CTNNA2: variants seen among roughly 807,000 people sequenced by gnomAD.
The protein encoded by CTNNA2 is catenin alpha-2.
In CTNNA2, 42 loss-of-function variants were observed where a neutral mutation model predicts 101.0. The ratio of observed to expected loss-of-function variants is 0.42; its 90% CI spans 0.32 to 0.54. The LOEUF (loss-of-function observed/expected upper bound fraction) is 0.54. Among genes scored for constraint, CTNNA2 ranks in the 20% least tolerant of loss-of-function variants. The pLI, the probability that CTNNA2 is intolerant of heterozygous loss-of-function variation, is 0.14. For missense variants in CTNNA2, 871 were observed against 1,223.1 expected (o/e 0.71, Z 4.29); for synonymous variants, 450 against 456.4 (o/e 0.99, Z 0.18).
intron 7 of CTNNA2, among the ~76,000 whole-genome samples, chr2:80,075,638 A>G (rs1698661754): frequency 1.8e-5 from 2 of 112,122 alleles, no homozygotes; most frequent in African/African-American, 6.9e-5. Context: ...TTATACATGT[A>G]TAAATATTAT....
intron 7 of CTNNA2, among the ~76,000 whole-genome samples, chr2:79,985,084 C>T (rs989514757): frequency 2.0e-5 from 3 of 152,112 alleles, no homozygotes; most frequent in Non-Finnish European, 4.4e-5. Flanking sequence ...TGTTTACTGA[C>T]CCCCAGCCTG....
intron 7 of CTNNA2, among the ~76,000 whole-genome samples, chr2:80,150,748 T>C (rs141839591): frequency 5.0e-4 from 76 of 152,308 alleles, no homozygotes; most frequent in African/African-American, 1.5e-3. Flanking sequence ...TATGCAATGC[T>C]AGAACAAAAA....
intron 3 of CTNNA2, among the ~76,000 whole-genome samples, chr2:79,781,962 C>G (rs1674478258): frequency 7.6e-6 from 1 of 130,924 alleles, no homozygotes. Context: ...TAAAAATAAT[C>G]AGAACTAGCT....
intron 7 of CTNNA2, among the ~76,000 whole-genome samples, chr2:80,282,982 A>G (rs1162174566): frequency 6.6e-6 from 1 of 152,158 alleles, no homozygotes; most frequent in Non-Finnish European, 1.5e-5. Flanking sequence ...AAGCAAAGGA[A>G]TGACAAGTTG....
In CTNNA2 at chr2:79,563,989, C is replaced by G. The variant is rs576645572; in HGVS notation, c.-6+50782C>G. On this transcript the variant is annotated intron_variant, in intron 1 of 18. Coordinates refer to ENST00000402739, the MANE Select transcript of CTNNA2 (RefSeq NM_001282597.3). ...CCATCTCCAGGATGCATTACTGGAG[C>G]CTGGTCTGACCTGAGGGCACCAATG... Among the ~76,000 whole-genome samples, 26 of 152,152 alleles carry G rather than the reference C, an allele frequency of 1.7e-4. 1 individual carries two copies. The East Asian group carries it at 4.5e-3, about 26-fold the overall frequency.
chr2:79,191,921 C>CACA (rs527607163), intron 1 of CTNNA2, among the ~76,000 whole-genome samples: 100 of 152,276 alleles, frequency 6.6e-4, no homozygotes, highest in Middle Eastern at 3.4e-3. Context: ...AGATGCCTCA[C>CACA]ACAACCTCCA....
intron 7 of CTNNA2, among the ~76,000 whole-genome samples, chr2:79,988,016 C>T (rs1033733998): frequency 3.3e-5 from 5 of 152,106 alleles, no homozygotes; most frequent in Non-Finnish European, 7.4e-5. Context: ...AAATGGAGTC[C>T]ATTAGTTCAT....
chr2:79,351,883 G>A (rs1262421601), intron 3 of CTNNA2, among the ~76,000 whole-genome samples: 1 of 152,150 alleles, frequency 6.6e-6, no homozygotes, highest in Non-Finnish European at 1.5e-5. Context: ...TGTGAATAGT[G>A]CTGGAATGAA....
chr2:80,392,074 G>T (rs533644679), intron 7 of CTNNA2, among the ~76,000 whole-genome samples: 2 of 152,302 alleles, frequency 1.3e-5, no homozygotes, highest in Admixed American at 6.5e-5. Context: ...TGGAGAGCGG[G>T]TATGTATGTA....
At chr2:79,523,995 A>G (rs1224459168) in intron 1 of CTNNA2, among the ~76,000 whole-genome samples, 7 of 152,068 alleles carry the variant, frequency 4.6e-5, no homozygotes, top group Non-Finnish European at 1.0e-4. Flanking sequence ...TTATTCCTGA[A>G]TTAATGATAT....
intron 7 of CTNNA2, among the ~76,000 whole-genome samples, chr2:80,371,444 AAACCTGC>A (rs1675430329): frequency 6.6e-6 from 1 of 152,182 alleles, no homozygotes; most frequent in African/African-American, 2.4e-5. Flanking sequence ...ATAGACAAAG[AAACCTGC>A]AATTTTAGGA....
chr2:80,380,028 CTTTTTTTTTTT>C (rs769794108), intron 7 of CTNNA2, among the ~76,000 whole-genome samples: 1 of 86,524 alleles, frequency 1.2e-5, no homozygotes, highest in Admixed American at 1.3e-4. Context: ...TCGAGATGTA[CTTTTTTTTTTT>C]TTTTTTTTTT....
At chr2:79,498,027 G>A (rs1671277779) in intron 4 of CTNNA2, 1 of 152,114 alleles carries the variant, frequency 6.6e-6, no homozygotes, top group African/African-American at 2.4e-5. Flanking sequence ...TCAGGAAGAG[G>A]AAAAGGAAGA....
chr2:80,153,154 G>GA (rs1245220140), intron 7 of CTNNA2, among the ~76,000 whole-genome samples: 10 of 152,162 alleles, frequency 6.6e-5, no homozygotes, highest in Non-Finnish European at 1.2e-4. Flanking sequence ...CTTGTGCCGG[G>GA]AAAGGCACCT....
chr2:79,758,479 T>G (rs6547273), intron 3 of CTNNA2, among the ~76,000 whole-genome samples: 140,348 of 152,228 alleles, frequency 0.92, 64,870 homozygotes, highest in East Asian at 1. Flanking sequence ...GGGAGTGCCT[T>G]CACAGGTTTG....
intron 9 of CTNNA2, among the ~76,000 whole-genome samples, chr2:80,430,707 T>C (rs914901919): frequency 6.6e-6 from 1 of 152,180 alleles, no homozygotes; most frequent in African/African-American, 2.4e-5. Context: ...TTAATAGTAG[T>C]GTTGCCACAT....
intron 7 of CTNNA2, among the ~76,000 whole-genome samples, chr2:80,120,981 A>G (rs571340677): frequency 1.3e-5 from 2 of 152,332 alleles, no homozygotes; most frequent in East Asian, 1.9e-4. Flanking sequence ...TCCACATGGT[A>G]CAACATGGCT....
intron 2 of CTNNA2, among the ~76,000 whole-genome samples, chr2:79,727,043 C>T (rs1686890755): frequency 6.6e-6 from 1 of 152,208 alleles, no homozygotes; most frequent in Non-Finnish European, 1.5e-5. Flanking sequence ...AAACACCTGC[C>T]TTAGACTTCC....
chr2:79,615,464 A>T (rs961963574), intron 1 of CTNNA2, among the ~76,000 whole-genome samples: 1 of 152,212 alleles, frequency 6.6e-6, no homozygotes, highest in African/African-American at 2.4e-5. Context: ...TTTCATTTAC[A>T]GTGGAATATT....
Sources: allele counts gnomAD v4.1 joint callset (sites outside exome capture counted in the v4.1 genomes callset), GRCh38; gene constraint gnomAD v4.1.1; transcripts MANE v1.5; gene names NCBI Gene and HGNC (gene_info 2026-07-23, HGNC 2026-07-21).